Variants in PCDHGA4 observed in about 807,000 individuals in gnomAD.
PCDHGA4 encodes the protein protocadherin gamma-A4.
PCDHGA4 carries 38 observed loss-of-function variants against 54.6 expected under a neutral mutation model. The observed-to-expected ratio is 0.70, with a 90% CI of 0.54 to 0.91. The LOEUF is 0.91. Among genes scored for constraint, PCDHGA4 ranks in the 40% least tolerant of loss-of-function variants. The probability of loss-of-function intolerance (pLI) is 0.00; values close to 1 mark genes in which losing one functional copy is unlikely to be tolerated. For missense variants in PCDHGA4, 1,298 were observed against 1,220.9 expected, an observed-to-expected ratio of 1.06 and a Z score of -0.94; for synonymous variants, 511 against 512.9, an observed-to-expected ratio of 1.00 and a Z score of 0.05.
intron 1 of PCDHGA4, chr5:141,419,335 T>C: frequency 6.2e-7 from 1 of 1,613,886 alleles, no homozygotes; most frequent in Non-Finnish European, 8.5e-7. Context: ...ACTCTCTCAT[T>C]GCCAGCGACC....
chr5:141,428,731 A>G (rs1290064919), intron 1 of PCDHGA4: 1 of 159,494 alleles, frequency 6.3e-6, no homozygotes, highest in Non-Finnish European at 1.4e-5. Context: ...TCTTAAACAT[A>G]TTATATCTAC....
At chr5:141,479,084 G>A (rs749298402) in intron 1 of PCDHGA4, among the ~76,000 whole-genome samples, 19 of 152,016 alleles carry the variant, frequency 1.2e-4, no homozygotes, top group Non-Finnish European at 1.9e-4. Flanking sequence ...GAAATTCCAG[G>A]CATCCTTTAA....
At chr5:141,365,912 C>G in intron 1 of PCDHGA4, 1 of 1,614,238 alleles carries the variant, frequency 6.2e-7, no homozygotes, top group Non-Finnish European at 8.5e-7. Flanking sequence ...GTTGAGAGAC[C>G]TACAGTTGTG....
chr5:141,365,759 C>T (rs376978243), intron 1 of PCDHGA4: 1 of 1,613,860 alleles, frequency 6.2e-7, no homozygotes, highest in South Asian at 1.1e-5. Flanking sequence ...TGTGACAGCC[C>T]ATGACCCCGA....
rs367926929 is a variant in PCDHGA4 at position 141,372,227 on chromosome 5, C to G, written c.2514+14606C>G. 4.8e-4 allele frequency: 778 copies of G among 1,613,442 alleles called. 3 individuals are homozygous for G. The African/African-American group carries it at 9.4e-3, about 19-fold the overall frequency. On this transcript the variant is annotated intron_variant, in intron 1 of 3. Coordinates refer to ENST00000571252, the MANE Select transcript of PCDHGA4 (RefSeq NM_018917.4). ...GGCTGTCCTACCACATTGTGCAGGC[C>G]AGCGAGCCCGGGCTGTTCAGCCTGG...
chr5:141,507,631 C>A (rs1435446169), intron 3 of PCDHGA4, among the ~76,000 whole-genome samples: 1 of 152,236 alleles, frequency 6.6e-6, no homozygotes, highest in Non-Finnish European at 1.5e-5. Context: ...TGTGGCCTTG[C>A]GCCCTGAGGC....
intron 1 of PCDHGA4, chr5:141,400,237 A>C (rs1375797222): frequency 3.7e-6 from 6 of 1,613,750 alleles, no homozygotes; most frequent in African/African-American, 1.3e-5. Flanking sequence ...CCTGGCCGTG[A>C]TTCTGGCCGT....
intron 1 of PCDHGA4, chr5:141,361,349 T>C (rs1459363979): frequency 1.2e-6 from 2 of 1,613,856 alleles, no homozygotes; most frequent in Non-Finnish European, 1.7e-6. Context: ...TACAAACTAG[T>C]GACAGACGGC....
chr5:141,510,905 C>T lies in PCDHGA4; in HGVS notation c.2663-42C>T. 4 of 1,613,538 alleles carry T rather than the reference C, an allele frequency of 2.5e-6. No homozygotes were observed. In the South Asian group the frequency reaches 4.4e-5, roughly 18 times the overall value. ...GATATAAGACAGTGACTGTTGAGGA[C>T]CCTAAGTTTAGCTCCCACCTGATCT... On this transcript the variant is annotated intron_variant, in intron 3 of 3. Coordinates refer to ENST00000571252, the MANE Select transcript of PCDHGA4 (RefSeq NM_018917.4).
intron 1 of PCDHGA4, among the ~76,000 whole-genome samples, chr5:141,467,372 T>C (rs1006663543): frequency 2.0e-5 from 3 of 152,072 alleles, no homozygotes; most frequent in African/African-American, 7.2e-5. Flanking sequence ...TTTTCTTATA[T>C]TGCATTTAGG....
In PCDHGA4 at chr5:141,356,677, G is replaced by T. The variant is rs759254327; in HGVS notation, c.1570G>T (p.Glu524Ter). Residue 524 changes from glutamate to a stop codon, truncating the protein, a stop_gained, in exon 1 of 4, where the codon GAA (glutamate) becomes TAA (stop). Coordinates refer to ENST00000571252, the MANE Select transcript of PCDHGA4 (RefSeq NM_018917.4). LOFTEE classifies it high-confidence loss of function. ...DNARITYSLA[E>*]DTFQGAPLSS... ...TGCCCGAATCACTTACTCCCTGGCC[G>T]AAGACACCTTCCAGGGTGCACCTCT... The T allele has an allele frequency of 1.2e-6, 2 of 1,613,980 alleles. No homozygotes were observed. The highest frequency in any genetic ancestry group is 1.7e-6 in the Non-Finnish European group (2 of 1,179,904).
At chr5:141,385,662 A>G (rs2090316045) in intron 1 of PCDHGA4, 11 of 492,642 alleles carry the variant, frequency 2.2e-5, no homozygotes, top group Non-Finnish European at 2.8e-5. Context: ...GTTAGCAGGA[A>G]TAAAACACAC....
intron 1 of PCDHGA4, chr5:141,422,399 T>A: frequency 1.3e-6 from 2 of 1,598,374 alleles, no homozygotes; most frequent in Non-Finnish European, 1.7e-6. Context: ...CCTAACCACC[T>A]GCCTTTTAAA....
chr5:141,397,700 G>A (rs2093557870), intron 1 of PCDHGA4, among the ~76,000 whole-genome samples: 2 of 152,224 alleles, frequency 1.3e-5, no homozygotes, highest in Admixed American at 1.3e-4. Flanking sequence ...AAAACCCAAC[G>A]TGATATTTCT....
At chr5:141,472,219 A>C (rs2099274667) in intron 1 of PCDHGA4, among the ~76,000 whole-genome samples, 1 of 152,210 alleles carries the variant, frequency 6.6e-6, no homozygotes, top group Non-Finnish European at 1.5e-5. Context: ...CTTACTCTCG[A>C]TCATATAATA....
In PCDHGA4 at chr5:141,485,848, C is replaced by T; in HGVS notation, c.2515-8959C>T. On this transcript the variant is annotated intron_variant, in intron 1 of 3. Coordinates refer to ENST00000571252, the MANE Select transcript of PCDHGA4 (RefSeq NM_018917.4). This position sits in a 1 kb window ranked among gnomAD's most constrained non-coding sequence, Gnocchi z 5.7. ...GAGGGAACCCGCCGAGATCTGGCAC[C>T]GCAGAGCTCCGGGTATCCGTGCTGG... The T allele has an allele frequency of 1.2e-6, 2 of 1,614,194 alleles. No homozygotes were observed. Among genetic ancestry groups the T allele is most frequent in the South Asian group, 2.2e-5 (2 of 91,080 alleles).
Position 141,487,673 on chromosome 5 carries a change from C to T in PCDHGA4, c.2515-7134C>T. On this transcript the variant is annotated intron_variant, in intron 1 of 3. Transcript: ENST00000571252. The surrounding 1 kb of genome is among the most constrained non-coding windows in gnomAD (Gnocchi z 5.0). Reference sequence around the variant, plus strand: ...GGGTTATTCTGATCCAGGCATATGGCTAGGCCATGTCCTAGAGAGTACTGG... The same window carrying T: ...GGGTTATTCTGATCCAGGCATATGGTTAGGCCATGTCCTAGAGAGTACTGG... 6.2e-7 allele frequency: 1 copy of T among 1,611,456 alleles called. No homozygotes were observed. Among genetic ancestry groups the T allele is most frequent in the East Asian group, 2.2e-5 (1 of 44,852 alleles).
At chr5:141,400,404 GT>G (rs2094016313) in intron 1 of PCDHGA4, 1 of 1,613,948 alleles carries the variant, frequency 6.2e-7, no homozygotes, top group South Asian at 1.1e-5. Flanking sequence ...GAAAGACGGA[GT>G]TTAATTTCCT....
chr5:141,371,226 A>G (rs772683388), intron 1 of PCDHGA4: 7 of 1,614,072 alleles, frequency 4.3e-6, no homozygotes, highest in Non-Finnish European at 5.9e-6. Flanking sequence ...TGCCGAAATC[A>G]TCTATGCCTT....
Sources: allele counts gnomAD v4.1 joint callset (sites outside exome capture counted in the v4.1 genomes callset), GRCh38; gene constraint gnomAD v4.1.1; non-coding constraint Gnocchi (gnomAD v3.1); transcripts MANE v1.5; gene names NCBI Gene and HGNC (gene_info 2026-07-23, HGNC 2026-07-21).